CYTH3: variants seen among roughly 807,000 people sequenced by gnomAD.
The protein encoded by CYTH3 is cytohesin-3.
CYTH3 carries 23 observed loss-of-function variants against 55.1 expected under a neutral mutation model. The observed-to-expected ratio is 0.42, with a 90% CI of 0.30 to 0.59. The LOEUF (loss-of-function observed/expected upper bound fraction) is 0.59. Among genes scored for constraint, CYTH3 ranks in the 20% least tolerant of loss-of-function variants. The pLI, the probability that CYTH3 is intolerant of heterozygous loss-of-function variation, is 0.20. For missense variants in CYTH3, 413 were observed against 524.8 expected, an observed-to-expected ratio of 0.79 and a Z score of 2.08; for synonymous variants, 249 against 194.9, an observed-to-expected ratio of 1.28 and a Z score of -2.31.
Position 6,165,544 on chromosome 7 carries a change from C to G in CYTH3, c.972+1G>C, listed in dbSNP as rs764184600. 1 of 1,613,718 alleles carries G rather than the reference C, an allele frequency of 6.2e-7. No homozygotes were observed. Among genetic ancestry groups the G allele is most frequent in the Non-Finnish European group, 8.5e-7 (1 of 1,179,748 alleles). Reference sequence around the variant, plus strand: ...GAGAAGGTTCAGGAGGAAGAGCTTACGGGTTTCCGGGGGTCCTCCACCTCC... The same window carrying G: ...GAGAAGGTTCAGGAGGAAGAGCTTAGGGGTTTCCGGGGGTCCTCCACCTCC... On this transcript the variant is annotated splice_donor_variant, in intron 11 of 12. Coordinates refer to ENST00000350796, the MANE Select transcript of CYTH3 (RefSeq NM_004227.4). LOFTEE classifies it high-confidence loss of function.
intron 1 of CYTH3, among the ~76,000 whole-genome samples, chr7:6,204,345 G>A (rs1037031184): frequency 1.3e-5 from 2 of 152,328 alleles, no homozygotes; most frequent in South Asian, 4.1e-4. Flanking sequence ...TTCAAGTAAA[G>A]CAGAGTTTAG....
chr7:6,219,328 G>C (rs529535650), intron 1 of CYTH3, among the ~76,000 whole-genome samples: 1 of 152,160 alleles, frequency 6.6e-6, no homozygotes, highest in Non-Finnish European at 1.5e-5. Flanking sequence ...TTCTTCTTGC[G>C]CTTATAGTAA....
chr7:6,259,330 T>C (rs942692008), intron 1 of CYTH3, among the ~76,000 whole-genome samples: 1 of 152,178 alleles, frequency 6.6e-6, no homozygotes, highest in African/African-American at 2.4e-5. Flanking sequence ...TAATTAACAA[T>C]AGCCCTGTTG....
intron 1 of CYTH3, among the ~76,000 whole-genome samples, chr7:6,259,767 AT>A (rs1167776116): frequency 5.7e-4 from 14 of 24,414 alleles, no homozygotes; most frequent in African/African-American, 4.5e-3. Context: ...TTATATATAT[AT>A]ATATTATATA....
At chr7:6,201,849 C>A (rs1013465387) in intron 1 of CYTH3, among the ~76,000 whole-genome samples, 1 of 151,692 alleles carries the variant, frequency 6.6e-6, no homozygotes, top group Non-Finnish European at 1.5e-5. Context: ...GCTCAAAATG[C>A]CCAAATTGGG....
chr7:6,219,015 A>C (rs1226752645), intron 1 of CYTH3, among the ~76,000 whole-genome samples: 2 of 147,498 alleles, frequency 1.4e-5, no homozygotes, highest in South Asian at 2.1e-4. Flanking sequence ...AAAAAAAAAA[A>C]AAAAAAAAAA....
rs1310063592 is a variant in CYTH3 at position 6,272,513 on chromosome 7, G to A, written c.-6C>T. 2.2e-6 allele frequency: 3 copies of A among 1,345,026 alleles called. No homozygotes were observed. The highest frequency in any genetic ancestry group is 2.6e-5 in the Admixed American group (1 of 37,944). The allele number at this position is 1,345,026 out of a possible 1,614,324, so 83.3% of individuals were successfully genotyped here. ...CCGCCGCCGTCTTCATCCATCTTGA[G>A]GCCACTCCCGCAGCCGGCGAGCCGG... On this transcript the variant is annotated 5_prime_UTR_variant, in exon 1 of 13. Transcript: ENST00000350796.
rs77919658 is a variant in CYTH3 at position 6,243,065 on chromosome 7, C to T, written c.34+29409G>A. Reference sequence around the variant, plus strand: ...AAGGTGACTGTGGTCAATAGATGCACACCTAGTCTCATGATTAATTGCAGG... The same window carrying T: ...AAGGTGACTGTGGTCAATAGATGCATACCTAGTCTCATGATTAATTGCAGG... On this transcript the variant is annotated intron_variant, in intron 1 of 12. Coordinates refer to ENST00000350796, the MANE Select transcript of CYTH3 (RefSeq NM_004227.4). Among the ~76,000 whole-genome samples, 301 of 152,304 alleles carry T rather than the reference C, an allele frequency of 2.0e-3. 1 individual carries two copies. The highest frequency in any genetic ancestry group is 6.9e-3 in the African/African-American group (286 of 41,558).
intron 1 of CYTH3, among the ~76,000 whole-genome samples, chr7:6,200,099 A>C (rs1157983870): frequency 2.0e-5 from 3 of 152,250 alleles, no homozygotes; most frequent in Non-Finnish European, 4.4e-5. Flanking sequence ...TTTGTATCTC[A>C]GAATCAAGGA....
intron 1 of CYTH3, among the ~76,000 whole-genome samples, chr7:6,211,111 T>C (rs923061200): frequency 2.0e-5 from 3 of 152,192 alleles, no homozygotes; most frequent in East Asian, 1.9e-4. Context: ...CCTGAGCCTA[T>C]AGTGCCCTCC....
At chr7:6,222,484 T>C (rs6962767) in intron 1 of CYTH3, among the ~76,000 whole-genome samples, 36,956 of 152,052 alleles carry the variant, frequency 0.24, 9,173 homozygotes, top group African/African-American at 0.64. Context: ...TTTGGCTGGG[T>C]GCCTGTAATC....
chr7:6,196,778 G>T (rs932483129), intron 1 of CYTH3, among the ~76,000 whole-genome samples: 8 of 152,052 alleles, frequency 5.3e-5, no homozygotes, highest in African/African-American at 1.7e-4. Flanking sequence ...ATTTCAATAT[G>T]GCAAAAAGTA....
rs1314009002 is a variant in CYTH3 at position 6,167,509 on chromosome 7, C to T, written c.824-1699G>A. Among the ~76,000 whole-genome samples the T allele has an allele frequency of 1.3e-5, 2 of 152,262 alleles. No homozygotes were observed. The highest frequency in any genetic ancestry group is 4.8e-5 in the African/African-American group (2 of 41,474). ...GACTCCAGAGCAGGCCCCGCTCCAGCTGCACTGGTGCCAGCTGCCATCCCC... is the reference window on the plus strand; with the variant it reads ...GACTCCAGAGCAGGCCCCGCTCCAGTTGCACTGGTGCCAGCTGCCATCCCC... On this transcript the variant is annotated intron_variant, in intron 9 of 12. Coordinates refer to ENST00000350796, the MANE Select transcript of CYTH3 (RefSeq NM_004227.4). The surrounding 1 kb of genome is among the most constrained non-coding windows in gnomAD (Gnocchi z 5.5).
At chr7:6,212,842 G>A (rs764583895) in intron 1 of CYTH3, 1 of 152,154 alleles carries the variant, frequency 6.6e-6, no homozygotes, top group African/African-American at 2.4e-5. Context: ...TTCAGCTCTT[G>A]CCCATTGTGA....
chr7:6,259,974 G>T (rs969641314), intron 1 of CYTH3, among the ~76,000 whole-genome samples: 7 of 147,478 alleles, frequency 4.7e-5, no homozygotes, highest in African/African-American at 1.8e-4. Context: ...GGGATTGCAG[G>T]CATGCACCAC....
chr7:6,251,187 A>G (rs969882328), intron 1 of CYTH3, among the ~76,000 whole-genome samples: 2 of 152,206 alleles, frequency 1.3e-5, no homozygotes, highest in African/African-American at 4.8e-5. Context: ...AAGCAGGAGA[A>G]TCGCGTGAAT....
Position 6,248,035 on chromosome 7 carries a change from A to C in CYTH3, c.34+24439T>G, listed in dbSNP as rs1779865516. Among the ~76,000 whole-genome samples, 11 of 151,870 alleles carry C rather than the reference A, an allele frequency of 7.2e-5. No homozygotes were observed. The South Asian group carries it at 2.3e-3, about 32-fold the overall frequency. On this transcript the variant is annotated intron_variant, in intron 1 of 12. Coordinates refer to ENST00000350796, the MANE Select transcript of CYTH3 (RefSeq NM_004227.4). Reference sequence around the variant, plus strand: ...GCTTTATCTCATCTTTCAACCACTTATTTGTGTTTCTTGAAGTTTATTAAG... The same window carrying C: ...GCTTTATCTCATCTTTCAACCACTTCTTTGTGTTTCTTGAAGTTTATTAAG...
At chr7:6,195,442 C>G (rs1254252950) in intron 1 of CYTH3, among the ~76,000 whole-genome samples, 1 of 151,998 alleles carries the variant, frequency 6.6e-6, no homozygotes, top group Admixed American at 6.6e-5. Flanking sequence ...AAATTCCACA[C>G]TGTGGTTTTC....
At chr7:6,243,324 G>C (rs1270358034) in intron 1 of CYTH3, among the ~76,000 whole-genome samples, 1 of 152,224 alleles carries the variant, frequency 6.6e-6, no homozygotes, top group Non-Finnish European at 1.5e-5. Context: ...TGACTGGCCA[G>C]GTCTGGCTCT....
Sources: allele counts gnomAD v4.1 joint callset (sites outside exome capture counted in the v4.1 genomes callset), GRCh38; gene constraint gnomAD v4.1.1; non-coding constraint Gnocchi (gnomAD v3.1); transcripts MANE v1.5; gene names NCBI Gene and HGNC (gene_info 2026-07-23, HGNC 2026-07-21).